ADAMTS17: variants seen among roughly 807,000 people sequenced by gnomAD.
ADAMTS17 encodes ADAM metallopeptidase with thrombospondin type 1 motif 17, also known as A disintegrin and metalloproteinase with thrombospondin motifs 17.
In ADAMTS17, 113 loss-of-function variants were observed where a neutral mutation model predicts 141.5. The observed-to-expected ratio is 0.80, with a 90% CI of 0.69 to 0.93. The LOEUF (loss-of-function observed/expected upper bound fraction) is 0.93, where lower values mean the gene tolerates loss of function less well. Among genes scored for constraint, ADAMTS17 ranks in the 40% least tolerant of loss-of-function variants. The pLI is 0.00. For synonymous variants in ADAMTS17, 768 were observed against 630.6 expected, an observed-to-expected ratio of 1.22 and a Z score of -3.27; for missense variants, 1,659 against 1,517.9, an observed-to-expected ratio of 1.09 and a Z score of -1.54.
chr15:100,314,639 G>C (rs1028492001), intron 3 of ADAMTS17, among the ~76,000 whole-genome samples: 37 of 152,350 alleles, frequency 2.4e-4, no homozygotes, highest in East Asian at 1.9e-4. Flanking sequence ...TACAAGTAAA[G>C]GGGACAAGGA....
At chr15:100,077,409 C>G (rs906924829) in intron 15 of ADAMTS17, among the ~76,000 whole-genome samples, 1 of 149,772 alleles carries the variant, frequency 6.7e-6, no homozygotes, top group Non-Finnish European at 1.5e-5. Flanking sequence ...TTGCAGTGAT[C>G]CGAGATTGTG....
intron 3 of ADAMTS17, chr15:100,305,964 A>T (rs1484243666): frequency 6.5e-6 from 1 of 153,452 alleles, no homozygotes; most frequent in Non-Finnish European, 1.5e-5. Context: ...GACCAAGGAC[A>T]CTCAGAGTGA....
At chr15:100,145,284 T>C (rs967660616) in intron 10 of ADAMTS17, among the ~76,000 whole-genome samples, 7 of 152,208 alleles carry the variant, frequency 4.6e-5, no homozygotes, top group Non-Finnish European at 1.0e-4. Flanking sequence ...TGAATGGTGT[T>C]CTCAATTCCT....
At chr15:100,010,736 A>G (rs992052173) in intron 18 of ADAMTS17, among the ~76,000 whole-genome samples, 1 of 152,190 alleles carries the variant, frequency 6.6e-6, no homozygotes, top group Non-Finnish European at 1.5e-5. Flanking sequence ...CTTTTATTGA[A>G]CAGATGTCTG....
At chr15:100,082,382 A>G (rs2034799920) in intron 15 of ADAMTS17, among the ~76,000 whole-genome samples, 1 of 131,726 alleles carries the variant, frequency 7.6e-6, no homozygotes, top group Non-Finnish European at 1.5e-5. Context: ...TGGTTTTGAT[A>G]GTCTTTTTTT....
chr15:100,244,353 A>G (rs1402090491), intron 7 of ADAMTS17, among the ~76,000 whole-genome samples: 1 of 141,524 alleles, frequency 7.1e-6, no homozygotes, highest in African/African-American at 2.6e-5. Flanking sequence ...CAAGATTCGA[A>G]TGCAGGTTTA....
chr15:100,172,431 A>C (rs1344300003), intron 8 of ADAMTS17, among the ~76,000 whole-genome samples: 1 of 152,116 alleles, frequency 6.6e-6, no homozygotes, highest in African/African-American at 2.4e-5. Flanking sequence ...AGTAAACAAA[A>C]TTTTCCACCA....
intron 15 of ADAMTS17, among the ~76,000 whole-genome samples, chr15:100,078,914 G>C (rs1442304175): frequency 2.0e-5 from 3 of 152,120 alleles, no homozygotes; most frequent in Non-Finnish European, 4.4e-5. Context: ...GATTTTAACA[G>C]GCACTTCCGC....
At position 100,251,922 on chromosome 15, in the gene ADAMTS17, A is replaced by G. The variant is rs375031630; in HGVS notation, c.1075+2214T>C. ...AGAGGAGAGGCCCTCAGGAGAGGCAAAGTCTGCCGACACCTGGATCTAGGA... is the reference window on the plus strand; with the variant it reads ...AGAGGAGAGGCCCTCAGGAGAGGCAGAGTCTGCCGACACCTGGATCTAGGA... On this transcript the variant is annotated intron_variant, in intron 7 of 21. Transcript: ENST00000268070. Among the ~76,000 whole-genome samples the G allele has an allele frequency of 1.0e-3, 156 of 152,278 alleles. 1 individual carries two copies. In the South Asian group the frequency reaches 0.02, roughly 19 times the overall value.
intron 4 of ADAMTS17, among the ~76,000 whole-genome samples, chr15:100,279,997 C>A (rs192172814): frequency 1.3e-5 from 2 of 152,166 alleles, no homozygotes; most frequent in Admixed American, 6.5e-5. Context: ...CCCATCCCCC[C>A]CAGGGCTGGT....
At chr15:100,060,797 A>C (rs746937478) in intron 15 of ADAMTS17, among the ~76,000 whole-genome samples, 9 of 152,206 alleles carry the variant, frequency 5.9e-5, no homozygotes, top group Non-Finnish European at 1.3e-4. Flanking sequence ...GCGTGGGCTG[A>C]AGGTAGGTGG....
Position 100,261,596 on chromosome 15 carries a change from T to C in ADAMTS17, c.914A>G (p.Glu305Gly), listed in dbSNP as rs1184175060. ...CTCGTTCTGCCAGTGACAGAAGCTC[T>C]CCAGGGACCGCTCACCATGGTGCCC... Reference protein sequence around the residue: ...SIGHHGERSLESFCHWQNEEY... With the variant: ...SIGHHGERSLGSFCHWQNEEY... Residue 305 changes from glutamate (E) to glycine (G), a missense_variant, in exon 6 of 22, where the codon GAG becomes GGG. Transcript: ENST00000268070. 1.2e-6 allele frequency: 2 copies of C among 1,614,046 alleles called. No homozygotes were observed. Among genetic ancestry groups the C allele is most frequent in the East Asian group, 4.5e-5 (2 of 44,876 alleles).
chr15:100,030,084 G>A (rs2029985759), intron 18 of ADAMTS17, among the ~76,000 whole-genome samples: 1 of 152,184 alleles, frequency 6.6e-6, no homozygotes, highest in African/African-American at 2.4e-5. Context: ...CTGGCCCCCA[G>A]ATCACCCTTT....
rs78010067 is a variant in ADAMTS17 at position 100,256,233 on chromosome 15, T to C, written c.1032-2054A>G. 4.9e-3 allele frequency among the ~76,000 whole-genome samples: 739 copies of C among 152,292 alleles called. 6 individuals carry two copies. The highest frequency in any genetic ancestry group is 0.013 in the African/African-American group (531 of 41,564). The stretch of plus-strand genomic sequence containing the variant: ...CTAGACTTGGCTCCCAGCGCCTACA[T>C]CCATTGAAACCCCAAGGTGCGTTCC... On this transcript the variant is annotated intron_variant, in intron 6 of 21. Coordinates refer to ENST00000268070, the MANE Select transcript of ADAMTS17 (RefSeq NM_139057.4).
At chr15:100,253,101 TTAC>T (rs1348274878) in intron 7 of ADAMTS17, among the ~76,000 whole-genome samples, 1 of 151,894 alleles carries the variant, frequency 6.6e-6, no homozygotes, top group African/African-American at 2.4e-5. Context: ...TTCTTCGATT[TTAC>T]TACAATTCTA....
chr15:100,084,845 A>T (rs981918380), intron 15 of ADAMTS17, among the ~76,000 whole-genome samples: 1 of 152,192 alleles, frequency 6.6e-6, no homozygotes, highest in Non-Finnish European at 1.5e-5. Context: ...CCATCTGTAC[A>T]TCACCATCAT....
chr15:100,261,788 G>A, intron 5 of ADAMTS17, 152 bp from the exon 6 acceptor site: 2 of 847,950 alleles, frequency 2.4e-6, no homozygotes, highest in Non-Finnish European at 3.8e-6. Context: ...TGATGCTAGT[G>A]GGTACGTGGC....
intron 8 of ADAMTS17, among the ~76,000 whole-genome samples, chr15:100,188,960 C>T (rs765223019): frequency 1.6e-4 from 25 of 152,356 alleles, no homozygotes; most frequent in Non-Finnish European, 2.8e-4. Flanking sequence ...TATATACCTG[C>T]AGCTGCAACA....
rs534061976 is a variant in ADAMTS17 at position 99,972,294 on chromosome 15, G to A, written c.*2108C>T. On this transcript the variant is annotated 3_prime_UTR_variant, in exon 22 of 22. Transcript: ENST00000268070. ...CAAAAAGATGAGCTAAAAGAGCTCT[G>A]CAGATGCAGACTTTAGGGGAACTAA... 4.6e-5 allele frequency: 7 copies of A among 152,292 alleles called. No homozygotes were observed. Among genetic ancestry groups the A allele is most frequent in the African/African-American group, 1.7e-4 (7 of 41,548 alleles). The allele number at this position is 152,292 out of a possible 1,614,324, so 9.4% of individuals were successfully genotyped here.
Sources: gnomAD v4.1 joint callset for allele counts (sites outside exome capture counted in the v4.1 genomes callset) on GRCh38, gnomAD v4.1.1 for gene constraint, MANE v1.5 for transcripts, NCBI Gene and HGNC (gene_info 2026-07-23, HGNC 2026-07-21) for gene names.